RTEL1: variants seen among roughly 807,000 people sequenced by gnomAD.
The protein encoded by RTEL1 is regulator of telomere length.
Under a neutral mutation model 162.2 loss-of-function variants are expected in RTEL1, and 86 were observed. The ratio of observed to expected loss-of-function variants is 0.53; its 90% confidence interval spans 0.45 to 0.63. The LOEUF (loss-of-function observed/expected upper bound fraction) is 0.63. RTEL1 is among the 30% of genes least tolerant of loss of function. The pLI, the probability that RTEL1 is intolerant of heterozygous loss-of-function variation, is 0.00. For synonymous variants in RTEL1, 958 were observed against 717.9 expected (o/e 1.33, Z -5.35); for missense variants, 1,941 against 1,750.2 (o/e 1.11, Z -1.95).
rs398123052 is a variant in RTEL1, at chr20:63,689,115, G to T, written c.1861G>T (p.Ala621Ser). The T allele has an allele frequency of 1.2e-6, 2 of 1,609,802 alleles. No homozygotes were observed. The highest frequency in any genetic ancestry group is 2.2e-5 in the East Asian group (1 of 44,882). The change falls in exon 22 of 35, where the codon GCG becomes TCG. Residue 621 changes from alanine to serine, a missense_variant. Coordinates refer to ENST00000360203, the MANE Select transcript of RTEL1 (RefSeq NM_001283009.2). ...APGSTGATFL[A>S]VCRGKASEGL... Reference sequence around the variant, plus strand: ...TGGGTCCACCGGCGCCACCTTCCTGGCGGTCTGCCGGGGCAAGGTGAGCTC... The same window carrying T: ...TGGGTCCACCGGCGCCACCTTCCTGTCGGTCTGCCGGGGCAAGGTGAGCTC...
chr20:63,689,928 G>A (rs929006648), intron 24 of RTEL1, 63 bp downstream of exon 24: 4 of 1,559,030 alleles, frequency 2.6e-6, no homozygotes, highest in East Asian at 2.3e-5. Context: ...CTGGGCCCCT[G>A]GACTCTCCTT....
chr20:63,660,316 C>G (rs1010980735), intron 2 of RTEL1, among the ~76,000 whole-genome samples: 1 of 152,236 alleles, frequency 6.6e-6, no homozygotes, highest in Non-Finnish European at 1.5e-5. Context: ...GGCCATATTT[C>G]AGACTATCAC....
At position 63,688,413 on chromosome 20, in the gene RTEL1, G is replaced by T. The variant is rs760510537; in HGVS notation, c.1722+27G>T. 8.1e-6 allele frequency: 13 copies of T among 1,610,318 alleles called. No individual in the cohort carries two copies. The South Asian group carries it at 1.4e-4, about 18-fold the overall frequency. ...TGCGTCTCCCCTGTGTTCTGGGCGGGGTGGGTGAGGGCAGGGCTGGAGCAT... is the reference window on the plus strand; with the variant it reads ...TGCGTCTCCCCTGTGTTCTGGGCGGTGTGGGTGAGGGCAGGGCTGGAGCAT... On this transcript the variant is annotated intron_variant, in intron 20 of 34. Coordinates refer to ENST00000360203, the MANE Select transcript of RTEL1 (RefSeq NM_001283009.2).
intron 14 of RTEL1, 151 bp downstream of exon 14, chr20:63,680,870 C>G: frequency 2.0e-6 from 3 of 1,486,818 alleles, no homozygotes; most frequent in South Asian, 2.6e-5. Flanking sequence ...CGGCTCCTTT[C>G]CAGTGCCCTA....
At chr20:63,692,004 G>A in intron 28 of RTEL1, 167 bp downstream of exon 28, 1 of 581,650 alleles carries the variant, frequency 1.7e-6, no homozygotes, top group Non-Finnish European at 3.1e-6. Flanking sequence ...CAAGTGTGTG[G>A]TTTCTTCTGC....
chr20:63,660,893 C>A (rs1282881102), intron 2 of RTEL1: 2 of 210,566 alleles, frequency 9.5e-6, no homozygotes, highest in Non-Finnish European at 1.9e-5. Context: ...TCACACCCTT[C>A]CCCTCCCCGA....
At chr20:63,693,609 ACCT>A (rs2090868016) in intron 30 of RTEL1, among the ~76,000 whole-genome samples, 31 of 28,332 alleles carry the variant, frequency 1.1e-3, no homozygotes, top group East Asian at 2.1e-3. Context: ...CACCACCACC[ACCT>A]CCACCTCCAC....
At position 63,693,067 on chromosome 20, in the gene RTEL1, G is replaced by T. The variant is rs145954320; in HGVS notation, c.2851+64G>T. On this transcript the variant is annotated intron_variant, in intron 29 of 34. Transcript: ENST00000360203. ...TGCTGCCGCCGCGTGTGGGGTGGGG[G>T]CCATCTGGGTCCAAGGTGGTCTCTG... 3.1e-6 allele frequency: 5 copies of T among 1,609,526 alleles called. No individual in the cohort carries two copies. In the African/African-American group the frequency reaches 6.7e-5, roughly 22 times the overall value.
intron 30 of RTEL1, 104 bp downstream of exon 30, chr20:63,693,387 C>G (rs1568719403): frequency 7.0e-7 from 1 of 1,423,022 alleles, no homozygotes; most frequent in East Asian, 2.3e-5. Flanking sequence ...CTGCTTGGCC[C>G]CGCCTCTCTG....
Position 63,687,694 on chromosome 20 carries a change from C to T in RTEL1, c.1405C>T (p.Arg469Cys), listed in dbSNP as rs369940581. The T allele has an allele frequency of 1.1e-5, 17 of 1,607,708 alleles. No individual in the cohort carries two copies. Among genetic ancestry groups the T allele is most frequent in the East Asian group, 6.7e-5 (3 of 44,738 alleles). The change falls in exon 17 of 35, where the codon CGC (arginine) becomes TGC (cysteine). Residue 469 changes from arginine (R) to cysteine (C), a missense_variant. Transcript: ENST00000360203. ...CGGCCACAGCATGCACGAGCTGGTCCGCCAGGGCGTCCGCTCCCTCATCCT... is the reference window on the plus strand; with the variant it reads ...CGGCCACAGCATGCACGAGCTGGTCTGCCAGGGCGTCCGCTCCCTCATCCT... ...SPGHSMHELV[R>C]QGVRSLILTS... is the part of the protein sequence containing the mutation.
intron 23 of RTEL1, 21 bp from the exon 24 acceptor site, chr20:63,689,729 C>G (rs1384387759): frequency 3.7e-6 from 6 of 1,608,600 alleles, no homozygotes; most frequent in Non-Finnish European, 5.1e-6. Flanking sequence ...GCCCCCGTGA[C>G]CGAGCCGCCT....
At chr20:63,682,555 AAGTAGCC>A (rs2090499777) in intron 14 of RTEL1, 10 of 985,792 alleles carry the variant, frequency 1.0e-5, no homozygotes, top group Non-Finnish European at 1.2e-5. Context: ...CTGCTGCTCT[AAGTAGCC>A]GCTGGTGGAT....
intron 8 of RTEL1, among the ~76,000 whole-genome samples, chr20:63,667,794 C>T (rs547589125): frequency 6.6e-6 from 1 of 152,226 alleles, no homozygotes; most frequent in South Asian, 2.1e-4. Flanking sequence ...TGAGGAGAGA[C>T]CTCCAGGCTG....
chr20:63,673,960 G>A lies in RTEL1; in HGVS notation c.786G>A (p.Ser262=), dbSNP rs6011020. ...TCTAGGAGAAGATGTGTGAAGAATC[G>A]GCATCCTTTGACCTGACTCCCCATG... The part of the protein sequence containing the change: ...AHNVEKMCEE[S]ASFDLTPHDL... Residue 262 remains serine, a synonymous_variant, in exon 10 of 35, where the codon TCG becomes TCA. Transcript: ENST00000360203. The A allele has an allele frequency of 9.0e-3, 14,566 of 1,612,716 alleles. 1,124 individuals carry two copies. In the African/African-American group the frequency reaches 0.17, roughly 19 times the overall value.
In RTEL1 at chr20:63,695,760, G is replaced by C. The variant is rs778842533; in HGVS notation, c.3823-18G>C. 2.5e-6 allele frequency: 4 copies of C among 1,588,610 alleles called. No individual in the cohort carries two copies. The South Asian group carries it at 4.5e-5, about 18-fold the overall frequency. ...GCAACGCCTGGCAGACGTGTGCAGTGGGCCGGTTGTCTCACAGGCCTCTAG... is the reference window on the plus strand; with the variant it reads ...GCAACGCCTGGCAGACGTGTGCAGTCGGCCGGTTGTCTCACAGGCCTCTAG... On this transcript the variant is annotated intron_variant, in intron 34 of 34. Coordinates refer to ENST00000360203, the MANE Select transcript of RTEL1 (RefSeq NM_001283009.2).
intron 10 of RTEL1, among the ~76,000 whole-genome samples, chr20:63,676,215 C>T (rs1031464508): frequency 9.9e-5 from 15 of 152,148 alleles, no homozygotes; most frequent in Admixed American, 9.8e-4. Context: ...CTCCCAAGCT[C>T]CTGGGACTAC....
At chr20:63,675,773 C>T (rs1032169821) in intron 10 of RTEL1, among the ~76,000 whole-genome samples, 1 of 152,188 alleles carries the variant, frequency 6.6e-6, no homozygotes, top group Non-Finnish European at 1.5e-5. Context: ...CCCAACCCCA[C>T]CTCTCTAACG....
chr20:63,666,497 A>G (rs1039750878), intron 7 of RTEL1, among the ~76,000 whole-genome samples: 8 of 152,132 alleles, frequency 5.3e-5, no homozygotes, highest in African/African-American at 1.7e-4. Flanking sequence ...TCAGAGATTC[A>G]AGTTATAATA....
chr20:63,695,098 C>G lies in RTEL1; in HGVS notation c.3376C>G (p.Gln1126Glu), dbSNP rs778734749. 4.3e-6 allele frequency: 7 copies of G among 1,612,276 alleles called. No individual in the cohort carries two copies. Among genetic ancestry groups the G allele is most frequent in the East Asian group, 2.2e-5 (1 of 44,886 alleles). Reference sequence around the variant, plus strand: ...CATGTTTGTGCGTCCACACCACAAGCAGCGCTTCTCACAGACGTGCACAGA... The same window carrying G: ...CATGTTTGTGCGTCCACACCACAAGGAGCGCTTCTCACAGACGTGCACAGA... ...FSMFVRPHHKQRFSQTCTDLT... is the reference protein window; with the variant it reads ...FSMFVRPHHKERFSQTCTDLT... Residue 1126 changes from glutamine (Q) to glutamate (E), a missense_variant, in exon 33 of 35, where the codon CAG becomes GAG. By Grantham distance (29) the Gln-to-Glu change is conservative. Transcript: ENST00000360203.
Sources: gnomAD v4.1 joint callset for allele counts (sites outside exome capture counted in the v4.1 genomes callset) on GRCh38, gnomAD v4.1.1 for gene constraint, MANE v1.5 for transcripts, NCBI Gene and HGNC (gene_info 2026-07-23, HGNC 2026-07-21) for gene names.